Variants in DST observed in about 807,000 individuals in gnomAD.
DST encodes dystonin.
Under a neutral mutation model 875.2 loss-of-function variants are expected in DST, and 253 were observed. That is an observed-to-expected ratio of 0.29 (90% CI 0.26 to 0.32). The LOEUF (loss-of-function observed/expected upper bound fraction) is 0.32, where lower values mean the gene tolerates loss of function less well. Among genes scored for constraint, DST ranks in the 10% least tolerant of loss-of-function variants. DST has a pLI of 1.00. For missense variants in DST, 8,287 were observed against 9,111.6 expected (o/e 0.91, Z 3.68); for synonymous variants, 3,124 against 3,197.1 (o/e 0.98, Z 0.77).
intron 85 of DST, among the ~76,000 whole-genome samples, chr6:56,491,417 A>G (rs2095736406): frequency 6.6e-6 from 1 of 152,174 alleles, no homozygotes; most frequent in Non-Finnish European, 1.5e-5. Context: ...AGTAAAAATC[A>G]AATGTTTAAA....
chr6:56,504,657 A>G (rs974589431), intron 77 of DST, among the ~76,000 whole-genome samples: 12 of 152,180 alleles, frequency 7.9e-5, no homozygotes, highest in African/African-American at 2.9e-4. Context: ...GGTAATAAAA[A>G]TAGTCTAAAA....
At position 56,476,296 on chromosome 6, in the gene DST, A is replaced by G. The variant is rs2152409352; in HGVS notation, c.21717T>C (p.Ser7239=). The G allele has an allele frequency of 6.2e-7, 1 of 1,605,818 alleles. No individual in the cohort carries two copies. The highest frequency in any genetic ancestry group is 8.5e-7 in the Non-Finnish European group (1 of 1,175,632). The change falls in exon 92 of 104, where the codon AGT becomes AGC. Residue 7239 remains serine, a synonymous_variant. Coordinates refer to ENST00000680361, the MANE Select transcript of DST (RefSeq NM_001374736.1). ...GTTTGGCAATAAGCCCAGCCAGAGC[A>G]CTTGCTAATCTCTGCTGATGTTGCT... ...WAKQHQQRLA[S]ALAGLIAKQE...
chr6:56,543,981 T>C (rs1360098519), intron 61 of DST, among the ~76,000 whole-genome samples: 3 of 152,330 alleles, frequency 2.0e-5, no homozygotes, highest in Admixed American at 6.5e-5. Flanking sequence ...TGACTAGATA[T>C]ATGACTATCT....
intron 4 of DST, among the ~76,000 whole-genome samples, chr6:56,821,203 T>C (rs927746346): frequency 2.0e-5 from 3 of 152,178 alleles, no homozygotes; most frequent in African/African-American, 4.8e-5. Context: ...ATATTAACTT[T>C]CAAAATAATG....
chr6:56,934,589 T>TATATATA (rs1812031212), intron 2 of DST, among the ~76,000 whole-genome samples: 1 of 121,300 alleles, frequency 8.2e-6, no homozygotes, highest in African/African-American at 3.1e-5. Flanking sequence ...TATATATATA[T>TATATATA]CGTGAGAGAG....
At chr6:56,953,944 G>A (rs942494037) in intron 1 of DST, 125 bp from the exon 2 acceptor site, 8 of 513,958 alleles carry the variant, frequency 1.6e-5, no homozygotes, top group Admixed American at 1.3e-4. Context: ...AATTCGGTGG[G>A]ACATCCTGGG....
At position 56,631,349 on chromosome 6, in the gene DST, C is replaced by T; in HGVS notation, c.4004G>A (p.Gly1335Glu). The T allele has an allele frequency of 6.2e-7, 1 of 1,613,844 alleles. No individual in the cohort carries two copies. Among genetic ancestry groups the T allele is most frequent in the Non-Finnish European group, 8.5e-7 (1 of 1,179,898 alleles). The change falls in exon 30 of 104, where the codon GGA (glycine) becomes GAA (glutamate). Residue 1335 changes from glycine to glutamate, a missense_variant. Physicochemically the swap from Gly to Glu is moderately conservative, Grantham distance 98 (BLOSUM62 -2). This residue lies in a region of DST where 3,138 missense variants were observed against 3,116.6 expected (regional missense o/e 1.01). Coordinates refer to ENST00000680361, the MANE Select transcript of DST (RefSeq NM_001374736.1). The stretch of plus-strand genomic sequence containing the variant: ...CTCCTCACACTTATTTGTGATTGTT[C>T]CCAAATCATCTTTAAGTCGTTCCAG... ...KELERLKDDL[G>E]TITNKCEEFF...
intron 3 of DST, among the ~76,000 whole-genome samples, chr6:56,859,083 T>C (rs1437130053): frequency 6.6e-6 from 1 of 152,200 alleles, no homozygotes; most frequent in Non-Finnish European, 1.5e-5. Context: ...AGACTAGACT[T>C]GTACTGGGTT....
chr6:56,485,534 T>A, intron 87 of DST, 63 bp from the exon 88 acceptor site: 1 of 1,503,116 alleles, frequency 6.7e-7, no homozygotes, highest in Admixed American at 1.9e-5. Flanking sequence ...TATCTGAACA[T>A]CTAAAATTAA....
intron 4 of DST, among the ~76,000 whole-genome samples, chr6:56,762,027 GT>G (rs35664391): frequency 2.0e-5 from 3 of 148,646 alleles, no homozygotes; most frequent in Non-Finnish European, 4.5e-5. Flanking sequence ...CTCCAGAAAT[GT>G]TTTTTTTTTG....
In DST at chr6:56,714,245, ATTAC is replaced by A. The variant is rs2099387454; in HGVS notation, c.688-9880_688-9877del. Among the ~76,000 whole-genome samples the A allele has an allele frequency of 6.6e-6, 1 of 152,226 alleles. No homozygotes were observed. The highest frequency in any genetic ancestry group is 1.5e-5 in the Non-Finnish European group (1 of 68,044). On this transcript the variant is annotated intron_variant, in intron 5 of 103. Transcript: ENST00000680361. This position sits in a 1 kb window ranked among gnomAD's most constrained non-coding sequence, Gnocchi z 4.5. ...TTATAAATACAGGTTTATTCTTTTA[ATTAC>A]TTAATTAAAAATTTGACAGATGCTA... is the stretch of plus-strand genomic sequence containing the variant.
chr6:56,559,715 TA>T (rs1452909465), intron 58 of DST, among the ~76,000 whole-genome samples: 3 of 152,052 alleles, frequency 2.0e-5, no homozygotes, highest in Middle Eastern at 3.2e-3. Context: ...ATTATAGTAA[TA>T]AAAATTGGTA....
intron 4 of DST, among the ~76,000 whole-genome samples, chr6:56,781,498 T>C (rs1225250934): frequency 6.6e-6 from 1 of 152,098 alleles, no homozygotes; most frequent in African/African-American, 2.4e-5. Context: ...TGAATGGGAG[T>C]TCACTCATGA....
At chr6:56,517,700 ATCCT>A in intron 69 of DST, 80 bp from the exon 70 acceptor site, 1 of 1,472,632 alleles carries the variant, frequency 6.8e-7, no homozygotes, top group Non-Finnish European at 9.1e-7. Context: ...TCTTTGAAAT[ATCCT>A]TATTACACAA....
chr6:56,674,997 C>T (rs1284662468), intron 9 of DST, among the ~76,000 whole-genome samples: 1 of 152,122 alleles, frequency 6.6e-6, no homozygotes, highest in Non-Finnish European at 1.5e-5. Context: ...CGTCACACTC[C>T]ACCTGACTTC....
intron 4 of DST, among the ~76,000 whole-genome samples, chr6:56,800,902 C>G (rs2153021206): frequency 6.6e-6 from 1 of 151,844 alleles, no homozygotes; most frequent in East Asian, 1.9e-4. Flanking sequence ...CACCTGTAGC[C>G]CCAGGTACTC....
At position 56,497,972 on chromosome 6, in the gene DST, C is replaced by A. The variant is rs776119419; in HGVS notation, c.19978G>T (p.Ala6660Ser). Residue 6660 changes from alanine to serine, a missense_variant, in exon 81 of 104, where the codon GCA (alanine) becomes TCA (serine). By Grantham distance (99) the Ala-to-Ser change is moderately conservative. Around this residue, in one of 10 missense-constraint regions of DST, gnomAD observed 1,292 missense variants for 1,552.7 expected, o/e 0.83. Transcript: ENST00000680361. ...KAGNDLIESS[A>S]GEEASNLQNK... ...TGAAGGTTGCTTGCTTCTTCTCCTG[C>A]ACTTGATTCAATTAGATCATTTCCT... 5.6e-6 allele frequency: 9 copies of A among 1,613,540 alleles called. No individual in the cohort carries two copies. Among genetic ancestry groups the A allele is most frequent in the Non-Finnish European group, 7.6e-6 (9 of 1,179,600 alleles).
intron 84 of DST, 42 bp downstream of exon 84, chr6:56,492,892 G>C (rs2095798484): frequency 7.1e-7 from 1 of 1,409,818 alleles, no homozygotes; most frequent in Non-Finnish European, 9.4e-7. Context: ...AAAAAGCCTG[G>C]TGTCTGAAAA....
Position 56,574,399 on chromosome 6 carries a change from C to T in DST, c.13028-512G>A, listed in dbSNP as rs189273441. Among the ~76,000 whole-genome samples the T allele has an allele frequency of 1.9e-3, 291 of 152,234 alleles. 1 individual carries two copies. Among genetic ancestry groups the T allele is most frequent in the South Asian group, 3.3e-3 (16 of 4,814 alleles). ...CCTATCTCCCTCCTTCATACACACG[C>T]ATGCTAAGCTTTTGTCATACTTCAC... On this transcript the variant is annotated intron_variant, in intron 50 of 103. Coordinates refer to ENST00000680361, the MANE Select transcript of DST (RefSeq NM_001374736.1).
Sources: allele counts gnomAD v4.1 joint callset (sites outside exome capture counted in the v4.1 genomes callset), GRCh38; gene constraint gnomAD v4.1.1; regional missense constraint gnomAD v4.1.1; non-coding constraint Gnocchi (gnomAD v3.1); transcripts MANE v1.5; gene names NCBI Gene and HGNC (gene_info 2026-07-23, HGNC 2026-07-21).